Variants in RIMS2 observed in about 807,000 individuals in gnomAD.
RIMS2 encodes regulating synaptic membrane exocytosis protein 2.
In RIMS2, 59 loss-of-function variants were observed where a neutral mutation model predicts 174.4. That is an observed-to-expected ratio of 0.34 (90% CI 0.27 to 0.42). The LOEUF (loss-of-function observed/expected upper bound fraction) is 0.42. Among genes scored for constraint, RIMS2 ranks in the 10% least tolerant of loss-of-function variants. RIMS2 has a pLI of 1.00. For synonymous variants in RIMS2, 606 were observed against 572.5 expected (o/e 1.06, Z -0.84); for missense variants, 1,620 against 1,666.3 (o/e 0.97, Z 0.48).
chr8:103,725,428 C>A (rs2097516056), intron 2 of RIMS2, among the ~76,000 whole-genome samples: 1 of 152,118 alleles, frequency 6.6e-6, no homozygotes, highest in South Asian at 2.1e-4. Flanking sequence ...ACCCTTCTGA[C>A]CTTATTACCA....
chr8:103,889,433 G>T (rs2099228192), intron 4 of RIMS2, among the ~76,000 whole-genome samples: 1 of 151,220 alleles, frequency 6.6e-6, no homozygotes, highest in African/African-American at 2.4e-5. Context: ...TCAAAAATAT[G>T]CAAGGCAAAT....
chr8:103,929,358 A>G (rs1307266915), intron 11 of RIMS2, among the ~76,000 whole-genome samples: 1 of 151,798 alleles, frequency 6.6e-6, no homozygotes, highest in African/African-American at 2.4e-5. Flanking sequence ...AGGAGAAAAA[A>G]TGTTGATGGT....
chr8:103,799,612 A>G (rs1417923004), intron 3 of RIMS2, among the ~76,000 whole-genome samples: 1 of 152,156 alleles, frequency 6.6e-6, no homozygotes, highest in African/African-American at 2.4e-5. Context: ...CATTACTAAT[A>G]TTTGATATTA....
At chr8:103,792,483 T>C (rs898417682) in intron 3 of RIMS2, among the ~76,000 whole-genome samples, 2 of 151,982 alleles carry the variant, frequency 1.3e-5, no homozygotes, top group African/African-American at 4.8e-5. Flanking sequence ...AGATCTAAAA[T>C]TGACACCCTA....
chr8:103,563,565 A>C (rs1444745827), intron 1 of RIMS2, among the ~76,000 whole-genome samples: 1 of 152,074 alleles, frequency 6.6e-6, no homozygotes, highest in Non-Finnish European at 1.5e-5. Flanking sequence ...GGGAGTTCCA[A>C]ACTTTCCCAT....
chr8:104,221,292 T>C (rs960517762), intron 19 of RIMS2, among the ~76,000 whole-genome samples: 5 of 152,166 alleles, frequency 3.3e-5, no homozygotes, highest in Non-Finnish European at 7.3e-5. Flanking sequence ...AAAACAATAG[T>C]GCAATTGATG....
At position 103,590,849 on chromosome 8, in the gene RIMS2, G is replaced by T. The variant is rs72677686; in HGVS notation, c.176+89787G>T. 2.0e-5 allele frequency among the ~76,000 whole-genome samples: 3 copies of T among 150,910 alleles called. No individual in the cohort carries two copies. In the East Asian group the frequency reaches 5.8e-4, roughly 29 times the overall value. On this transcript the variant is annotated intron_variant, in intron 1 of 23. Transcript: ENST00000504942. ...TTTTTAGGATATTTCCTAATTTGTGGTTCTTGTTGAAGTGTTTTTGTAGAC... is the reference window on the plus strand; with the variant it reads ...TTTTTAGGATATTTCCTAATTTGTGTTTCTTGTTGAAGTGTTTTTGTAGAC...
intron 14 of RIMS2, among the ~76,000 whole-genome samples, chr8:103,949,738 G>T (rs2084858312): frequency 6.6e-6 from 1 of 151,716 alleles, no homozygotes; most frequent in Admixed American, 6.6e-5. Flanking sequence ...ACGTCAAAAA[G>T]AAGAACAAAA....
At chr8:103,647,910 T>TA (rs2096373904) in intron 1 of RIMS2, among the ~76,000 whole-genome samples, 1 of 150,046 alleles carries the variant, frequency 6.7e-6, no homozygotes, top group African/African-American at 2.5e-5. Flanking sequence ...TTTTTTTTTT[T>TA]AATTTTTGTA....
At chr8:103,911,671 T>TTAAA (rs2075695907) in intron 5 of RIMS2, among the ~76,000 whole-genome samples, 1 of 152,236 alleles carries the variant, frequency 6.6e-6, no homozygotes, top group Non-Finnish European at 1.5e-5. Flanking sequence ...TTAAATGAAT[T>TTAAA]CACTTGCGTA....
chr8:103,649,068 T>A (rs547391007), intron 1 of RIMS2, among the ~76,000 whole-genome samples: 2 of 152,168 alleles, frequency 1.3e-5, no homozygotes, highest in Admixed American at 1.3e-4. Flanking sequence ...GTTTTTGTAG[T>A]GGGTAGTAAT....
At chr8:104,041,641 C>T (rs940340977) in intron 19 of RIMS2, among the ~76,000 whole-genome samples, 13 of 151,418 alleles carry the variant, frequency 8.6e-5, no homozygotes, top group Admixed American at 3.3e-4. Context: ...TGTATGTATG[C>T]GTATGTATAT....
chr8:104,231,119 G>A (rs149366912), intron 19 of RIMS2, among the ~76,000 whole-genome samples: 1 of 152,110 alleles, frequency 6.6e-6, no homozygotes, highest in African/African-American at 2.4e-5. Context: ...CATTCTCGTT[G>A]TCACCTTGGT....
At chr8:103,685,724 C>G (rs189978146) in intron 1 of RIMS2, among the ~76,000 whole-genome samples, 2 of 152,306 alleles carry the variant, frequency 1.3e-5, no homozygotes, top group Admixed American at 6.5e-5. Context: ...TACTTGATCA[C>G]TACAGCTTTT....
chr8:103,783,788 T>C (rs1206884371), intron 3 of RIMS2, among the ~76,000 whole-genome samples: 1 of 150,356 alleles, frequency 6.7e-6, no homozygotes, highest in Non-Finnish European at 1.5e-5. Context: ...TGCCCAGTAA[T>C]GGGATGGCTG....
At chr8:103,981,682 G>C (rs2093916657) in intron 16 of RIMS2, among the ~76,000 whole-genome samples, 1 of 151,892 alleles carries the variant, frequency 6.6e-6, no homozygotes, top group Non-Finnish European at 1.5e-5. Flanking sequence ...ATTTAACAAC[G>C]AGATTGAAAT....
intron 1 of RIMS2, among the ~76,000 whole-genome samples, chr8:103,689,405 C>G (rs993886541): frequency 3.3e-5 from 5 of 151,942 alleles, no homozygotes; most frequent in Non-Finnish European, 7.4e-5. Flanking sequence ...TCTGATGTTT[C>G]TTTGTTTATT....
At chr8:104,155,184 G>A (rs1195405624) in intron 19 of RIMS2, among the ~76,000 whole-genome samples, 1 of 151,968 alleles carries the variant, frequency 6.6e-6, no homozygotes, top group African/African-American at 2.4e-5. Context: ...TCACCTCACT[G>A]CAAGCTCCTC....
intron 1 of RIMS2, among the ~76,000 whole-genome samples, chr8:103,570,269 C>T (rs1408891402): frequency 6.6e-6 from 1 of 152,132 alleles, no homozygotes; most frequent in Admixed American, 6.6e-5. Context: ...ATGTTGCCAG[C>T]ACATTCTCCA....
Sources: gnomAD v4.1 joint callset for allele counts (sites outside exome capture counted in the v4.1 genomes callset) on GRCh38, gnomAD v4.1.1 for gene constraint, MANE v1.5 for transcripts, NCBI Gene and HGNC (gene_info 2026-07-23, HGNC 2026-07-21) for gene names.